ASS1: variants seen among roughly 807,000 people sequenced by gnomAD.
ASS1 encodes the protein argininosuccinate synthase.
ASS1 carries 58 observed loss-of-function variants against 60.5 expected under a neutral mutation model. That is an observed-to-expected ratio of 0.96 (90% CI 0.78 to 1.19). The LOEUF (loss-of-function observed/expected upper bound fraction) is 1.19, where lower values mean the gene tolerates loss of function less well. ASS1 is among the 50% of genes most tolerant of loss of function. The probability of loss-of-function intolerance (pLI) is 0.00; values close to 1 mark genes in which losing one functional copy is unlikely to be tolerated. For missense variants in ASS1, 454 were observed against 547.3 expected (o/e 0.83, Z 1.70); for synonymous variants, 200 against 206.9 (o/e 0.97, Z 0.29).
At chr9:130,465,060 T>A (rs867421348) in intron 5 of ASS1, among the ~76,000 whole-genome samples, 6,382 of 142,504 alleles carry the variant, frequency 0.045, 183 homozygotes, top group Admixed American at 0.084. Context: ...ATATATATTT[T>A]TTTTTTTTCT....
intron 9 of ASS1, among the ~76,000 whole-genome samples, chr9:130,479,057 G>A (rs1199739250): frequency 1.3e-5 from 2 of 152,272 alleles, no homozygotes; most frequent in East Asian, 3.9e-4. Flanking sequence ...CACCGCTCGA[G>A]AAAGTGCCCC....
In ASS1 at chr9:130,466,795, C is replaced by A; in HGVS notation, c.491C>A (p.Ala164Glu). Reference sequence around the variant, plus strand: ...GGCCGCAATGACCTGATGGAGTACGCAAAGGTATGGCCGAGTCTCCCCACC... The same window carrying A: ...GGCCGCAATGACCTGATGGAGTACGAAAAGGTATGGCCGAGTCTCCCCACC... ...FKGRNDLMEY[A>E]KQHGIPIPVT... is the part of the protein sequence containing the mutation. Residue 164 changes from alanine (A) to glutamate (E), a missense_variant, in exon 6 of 15, where the codon GCA (alanine) becomes GAA (glutamate). Transcript: ENST00000352480. 1 of 1,614,050 alleles carries A rather than the reference C, an allele frequency of 6.2e-7. No individual in the cohort carries two copies. The highest frequency in any genetic ancestry group is 8.5e-7 in the Non-Finnish European group (1 of 1,179,950).
chr9:130,500,864 C>T, intron 14 of ASS1, 112 bp from the exon 15 acceptor site: 1 of 1,154,436 alleles, frequency 8.7e-7, no homozygotes, highest in Non-Finnish European at 1.3e-6. Flanking sequence ...ACTTCACACA[C>T]ATCTTAACAA....
chr9:130,475,372 T>C lies in ASS1; in HGVS notation c.598-1499T>C, dbSNP rs532524481. Among the ~76,000 whole-genome samples the C allele has an allele frequency of 1.2e-4, 19 of 152,276 alleles. No homozygotes were observed. In the South Asian group the frequency reaches 3.7e-3, roughly 30 times the overall value. ...AAAAAATATATATATACTACTTAAA[T>C]TGTAAGATGGCCAAGGGCAGGTATC... On this transcript the variant is annotated intron_variant, in intron 8 of 14. Coordinates refer to ENST00000352480, the MANE Select transcript of ASS1 (RefSeq NM_054012.4).
At chr9:130,484,771 G>A in intron 11 of ASS1, among the ~76,000 whole-genome samples, 1 of 150,554 alleles carries the variant, frequency 6.6e-6, no homozygotes, top group Admixed American at 6.6e-5. Flanking sequence ...CCCTACCCCT[G>A]TGGAGAGGAG....
intron 12 of ASS1, among the ~76,000 whole-genome samples, chr9:130,492,856 T>C (rs753897328): frequency 3.9e-5 from 6 of 152,082 alleles, no homozygotes; most frequent in African/African-American, 1.2e-4. Flanking sequence ...GTCTCCCCCA[T>C]TGCAGCTTAT....
At chr9:130,458,158 CAAA>C (rs5900899) in intron 3 of ASS1, among the ~76,000 whole-genome samples, 12 of 105,288 alleles carry the variant, frequency 1.1e-4, no homozygotes, top group African/African-American at 7.6e-5. Flanking sequence ...GACTTCGACT[CAAA>C]AAAAAAAAAA....
chr9:130,446,654 G>T (rs568095649), intron 1 of ASS1, among the ~76,000 whole-genome samples: 6 of 152,318 alleles, frequency 3.9e-5, no homozygotes, highest in Non-Finnish European at 4.4e-5. Context: ...GCCCAGGGCC[G>T]CAGGAGCCTT....
chr9:130,470,795 A>C lies in ASS1; in HGVS notation c.496-39A>C. ...TGGGACGGACCTCACGCGTCCTTCC[A>C]GCCGCCTTACCTCCACCTGTGCTGT... On this transcript the variant is annotated intron_variant, in intron 6 of 14. Coordinates refer to ENST00000352480, the MANE Select transcript of ASS1 (RefSeq NM_054012.4). This position sits in a 1 kb window ranked among gnomAD's most constrained non-coding sequence, Gnocchi z 4.3. The C allele has an allele frequency of 6.2e-7, 1 of 1,605,394 alleles. No individual in the cohort carries two copies. Among genetic ancestry groups the C allele is most frequent in the Non-Finnish European group, 8.5e-7 (1 of 1,172,256 alleles).
chr9:130,495,299 T>C (rs963536696), intron 13 of ASS1, among the ~76,000 whole-genome samples: 6 of 151,842 alleles, frequency 4.0e-5, no homozygotes, highest in Non-Finnish European at 5.9e-5. Context: ...ATAACTGGGA[T>C]TGGCTAGGAG....
intron 1 of ASS1, among the ~76,000 whole-genome samples, chr9:130,448,422 G>GCACACACACACACACACACA (rs3085579): frequency 1.6e-4 from 23 of 143,382 alleles, no homozygotes; most frequent in African/African-American, 6.0e-4. Context: ...GTGTGCGCGC[G>GCACACACACACACACACACA]CACACACACA....
At chr9:130,493,841 T>C (rs1319431056) in intron 12 of ASS1, among the ~76,000 whole-genome samples, 1 of 152,132 alleles carries the variant, frequency 6.6e-6, no homozygotes, top group Non-Finnish European at 1.5e-5. Flanking sequence ...GTCTGAGCGC[T>C]ACCCCTCCCT....
intron 11 of ASS1, among the ~76,000 whole-genome samples, chr9:130,481,169 A>G (rs1240452616): frequency 6.6e-6 from 1 of 152,130 alleles, no homozygotes; most frequent in Non-Finnish European, 1.5e-5. Context: ...TCAGCATTTC[A>G]TCTTGACCAC....
rs141568959 is a variant in ASS1 at position 130,458,559 on chromosome 9, C to T, written c.333C>T (p.Ala111=). ...KQVEIAQREG[A]KYVSHGATGK... is the part of the protein sequence containing the mutation. ...TGGAAATCGCCCAGCGGGAGGGGGC[C>T]AAGTATGTGTCCCACGGCGCCACAG... Residue 111 remains alanine, a synonymous_variant, in exon 4 of 15, where the codon GCC becomes GCT. Transcript: ENST00000352480. 3.7e-4 allele frequency: 602 copies of T among 1,613,126 alleles called. 1 individual carries two copies. Among genetic ancestry groups the T allele is most frequent in the Non-Finnish European group, 5.0e-4 (585 of 1,179,900 alleles).
At chr9:130,480,694 G>T (rs1246136898) in intron 11 of ASS1, among the ~76,000 whole-genome samples, 1 of 152,154 alleles carries the variant, frequency 6.6e-6, no homozygotes, top group Non-Finnish European at 1.5e-5. Context: ...GCCCAGGAGG[G>T]CCTGGGGAGT....
intron 13 of ASS1, among the ~76,000 whole-genome samples, chr9:130,496,745 C>T (rs1334809583): frequency 2.6e-5 from 4 of 152,170 alleles, no homozygotes; most frequent in Non-Finnish European, 5.9e-5. Flanking sequence ...CGATTGGCCA[C>T]TCCTGTGTCC....
In ASS1 at chr9:130,466,777, A is replaced by G. The variant is rs770066903; in HGVS notation, c.473A>G (p.Asn158Ser). The G allele has an allele frequency of 3.7e-6, 6 of 1,614,102 alleles. No individual in the cohort carries two copies. The highest frequency in any genetic ancestry group is 2.2e-5 in the South Asian group (2 of 91,086). ...TTCTACAACCGGTTCAAGGGCCGCAATGACCTGATGGAGTACGCAAAGGTA... is the reference window on the plus strand; with the variant it reads ...TTCTACAACCGGTTCAAGGGCCGCAGTGACCTGATGGAGTACGCAAAGGTA... ...PEFYNRFKGR[N>S]DLMEYAKQHG... is the part of the protein sequence containing the mutation. The change falls in exon 6 of 15, where the codon AAT becomes AGT. Residue 158 changes from asparagine (N) to serine (S), a missense_variant. By Grantham distance (46) the Asn-to-Ser change is conservative (BLOSUM62 1). Transcript: ENST00000352480.
In ASS1 at chr9:130,489,490, C is replaced by T. The variant is rs769512877; in HGVS notation, c.970+26C>T. The T allele has an allele frequency of 6.2e-7, 1 of 1,613,938 alleles. No individual in the cohort carries two copies. The highest frequency in any genetic ancestry group is 8.5e-7 in the Non-Finnish European group (1 of 1,179,922). ...GTGCGTAAGACTCTATGGCTGCCCC[C>T]TCTAACCGCCTCACAAGGGATCCCA... On this transcript the variant is annotated intron_variant, in intron 12 of 14. Coordinates refer to ENST00000352480, the MANE Select transcript of ASS1 (RefSeq NM_054012.4). The surrounding 1 kb of genome is among the most constrained non-coding windows in gnomAD (Gnocchi z 4.1).
chr9:130,500,178 C>T (rs1261858399), intron 14 of ASS1, among the ~76,000 whole-genome samples: 1 of 152,162 alleles, frequency 6.6e-6, no homozygotes, highest in Non-Finnish European at 1.5e-5. Flanking sequence ...AGGGGCAGTG[C>T]CAGCAGCAAG....
Sources: gnomAD v4.1 joint callset for allele counts (sites outside exome capture counted in the v4.1 genomes callset) on GRCh38, gnomAD v4.1.1 for gene constraint, Gnocchi (gnomAD v3.1) non-coding constraint, MANE v1.5 for transcripts, NCBI Gene and HGNC (gene_info 2026-07-23, HGNC 2026-07-21) for gene names.